SEPTIN1: variants seen among roughly 807,000 people sequenced by gnomAD.
SEPTIN1 encodes the protein septin-1.
A neutral mutation model predicts 50.7 loss-of-function variants in SEPTIN1; 52 were observed. The ratio of observed to expected loss-of-function variants is 1.03; its 90% CI spans 0.82 to 1.29. SEPTIN1 has a LOEUF of 1.29. Ranked by LOEUF, SEPTIN1 falls within the 50% of genes most tolerant of loss-of-function variation. The probability of loss-of-function intolerance (pLI) is 0.00; values close to 1 mark genes in which losing one functional copy is unlikely to be tolerated. For missense variants in SEPTIN1, 455 were observed against 490.7 expected (o/e 0.93, Z 0.69); for synonymous variants, 204 against 189.1 (o/e 1.08, Z -0.65).
Position 30,382,458 on chromosome 16 carries a change from G to T in SEPTIN1, c.18+67C>A. ...TTCCTGGGCTAGGAAGAGTCAGTGGGGTCTGGGGACCCCAGGCATGGGGGC... is the reference window on the plus strand; with the variant it reads ...TTCCTGGGCTAGGAAGAGTCAGTGGTGTCTGGGGACCCCAGGCATGGGGGC... On this transcript the variant is annotated intron_variant, in intron 1 of 10. Coordinates refer to ENST00000321367, the MANE Select transcript of SEPTIN1 (RefSeq NM_001365977.2). This position sits in a 1 kb window ranked among gnomAD's most constrained non-coding sequence, Gnocchi z 4.8. 6.3e-6 allele frequency: 10 copies of T among 1,577,244 alleles called. No individual in the cohort carries two copies. Among genetic ancestry groups the T allele is most frequent in the Non-Finnish European group, 8.7e-6 (10 of 1,152,618 alleles).
At position 30,379,928 on chromosome 16, in the gene SEPTIN1, A is replaced by T. The variant is rs747345146; in HGVS notation, c.675+4T>A. ...GGCCTGCCTTCCTTCTTTGTTTCCC[A>T]CACCTTCATCTCTGCATCCTGCCTC... On this transcript the variant is annotated splice_donor_region_variant and intron_variant, in intron 7 of 10. Transcript: ENST00000321367. 6.7e-7 allele frequency: 1 copy of T among 1,484,660 alleles called. No homozygotes were observed. The highest frequency in any genetic ancestry group is 1.1e-5 in the South Asian group (1 of 87,818). 92.0% of individuals were successfully genotyped at this position (1,484,660 alleles called of 1,614,324 possible). A position where few individuals can be genotyped will look rare whatever the true frequency, so the allele number is the denominator to read the frequency against.
chr16:30,379,209 C>A (rs2049803021), intron 8 of SEPTIN1, 26 bp from the exon 9 acceptor site: 1 of 1,612,642 alleles, frequency 6.2e-7, no homozygotes, highest in Non-Finnish European at 8.5e-7. Context: ...CGCGGACCAG[C>A]GAACGTCAGG....
In SEPTIN1 at chr16:30,381,961, C is replaced by A. The variant is rs954825196; in HGVS notation, c.197-78G>T. ...ATTTCCTTTGTCAATATCACAGTTGCCTGCACCCATTTCCCAGGGGAGGAA... is the reference window on the plus strand; with the variant it reads ...ATTTCCTTTGTCAATATCACAGTTGACTGCACCCATTTCCCAGGGGAGGAA... On this transcript the variant is annotated intron_variant, in intron 3 of 10. Coordinates refer to ENST00000321367, the MANE Select transcript of SEPTIN1 (RefSeq NM_001365977.2). This position sits in a 1 kb window ranked among gnomAD's most constrained non-coding sequence, Gnocchi z 4.3. 2 of 1,605,790 alleles carry A rather than the reference C, an allele frequency of 1.2e-6. No homozygotes were observed. Among genetic ancestry groups the A allele is most frequent in the African/African-American group, 2.7e-5 (2 of 74,644 alleles).
chr16:30,380,785 A>T, intron 6 of SEPTIN1: 2 of 300,824 alleles, frequency 6.6e-6, no homozygotes, highest in Non-Finnish European at 1.3e-5. Context: ...AAAAAGAGAG[A>T]GAAAGAGAGG....
At chr16:30,380,138 G>A in intron 6 of SEPTIN1, 105 bp from the exon 7 acceptor site, 2 of 884,142 alleles carry the variant, frequency 2.3e-6, no homozygotes, top group East Asian at 6.0e-5. Context: ...CAGAGACAGA[G>A]AGAAAGACAT....
Position 30,379,197 on chromosome 16 carries a change from G to A in SEPTIN1, c.776-14C>T. ...GTGGGTTCTCCACTGGAGGGGGGGC[G>A]GCGCGGACCAGCGAACGTCAGGGAG... On this transcript the variant is annotated splice_polypyrimidine_tract_variant and intron_variant, in intron 8 of 10. Coordinates refer to ENST00000321367, the MANE Select transcript of SEPTIN1 (RefSeq NM_001365977.2). The A allele has an allele frequency of 6.2e-7, 1 of 1,613,492 alleles. No individual in the cohort carries two copies. The highest frequency in any genetic ancestry group is 8.5e-7 in the Non-Finnish European group (1 of 1,179,530).
chr16:30,379,567 C>T (rs1449661238), intron 7 of SEPTIN1, 33 bp from the exon 8 acceptor site: 1 of 1,529,540 alleles, frequency 6.5e-7, no homozygotes, highest in Non-Finnish European at 9.0e-7. Context: ...TCACCATTGG[C>T]TCACACGGCA....
In SEPTIN1 at chr16:30,382,338, G is replaced by C. The variant is rs2049861665; in HGVS notation, c.46C>G (p.Leu16Val). The change falls in exon 2 of 11, where the codon CTC becomes GTC. Residue 16 changes from leucine to valine, a missense_variant. By Grantham distance (32) the Leu-to-Val change is conservative. Transcript: ENST00000321367. This position sits in a 1 kb window ranked among gnomAD's most constrained non-coding sequence, Gnocchi z 4.8. Reference protein sequence around the residue: ...MDKEYVGFAALPNQLHRKSVK... With the variant: ...MDKEYVGFAAVPNQLHRKSVK... The stretch of plus-strand genomic sequence containing the variant: ...GACTTGCGGTGCAGCTGGTTGGGGA[G>C]GGCAGCAAAACCCACGTACTCCTTG... The C allele has an allele frequency of 6.2e-7, 1 of 1,613,620 alleles. No homozygotes were observed. Among genetic ancestry groups the C allele is most frequent in the Non-Finnish European group, 8.5e-7 (1 of 1,179,698 alleles).
rs949879519 is a variant in SEPTIN1 at position 30,378,367 on chromosome 16, G to A, written c.*67C>T. 1.4e-6 allele frequency: 2 copies of A among 1,418,676 alleles called. No homozygotes were observed. The highest frequency in any genetic ancestry group is 2.9e-5 in the African/African-American group (2 of 68,976). 87.9% of individuals were successfully genotyped at this position (1,418,676 alleles called of 1,614,324 possible). A position where few individuals can be genotyped will look rare whatever the true frequency, so the allele number is the denominator to read the frequency against. ...GTCCCGGGGGGCGCTGGGCAGTGTGGGGCGCGGGGATTGGACAAGAGGCCG... is the reference window on the plus strand; with the variant it reads ...GTCCCGGGGGGCGCTGGGCAGTGTGAGGCGCGGGGATTGGACAAGAGGCCG... On this transcript the variant is annotated 3_prime_UTR_variant, in exon 11 of 11. Coordinates refer to ENST00000321367, the MANE Select transcript of SEPTIN1 (RefSeq NM_001365977.2).
chr16:30,378,305 C>A lies in SEPTIN1; in HGVS notation c.*129G>T. On this transcript the variant is annotated 3_prime_UTR_variant, in exon 11 of 11. Coordinates refer to ENST00000321367, the MANE Select transcript of SEPTIN1 (RefSeq NM_001365977.2). ...GGGCTACGGACTCAGGCTGGGAGAA[C>A]CTCCCCCTAGCCCGCGCGAGGGCGG... 1 of 914,934 alleles carries A rather than the reference C, an allele frequency of 1.1e-6. No individual in the cohort carries two copies. 56.7% of individuals were successfully genotyped at this position (914,934 alleles called of 1,614,324 possible). A position where few individuals can be genotyped will look rare whatever the true frequency, so the allele number is the denominator to read the frequency against.
upstream of SEPTIN1, chr16:30,382,808 G>T: frequency 6.5e-7 from 1 of 1,534,510 alleles, no homozygotes. The surrounding 1 kb of genome is among the most constrained non-coding windows in gnomAD (Gnocchi z 4.8). Flanking sequence ...GAGACATGGG[G>T]TATGTGCAGA....
chr16:30,381,844 A>G lies in SEPTIN1; in HGVS notation c.236T>C (p.Val79Ala), dbSNP rs148720173. 110 of 1,613,762 alleles carry G rather than the reference A, an allele frequency of 6.8e-5. 2 individuals carry two copies. The African/African-American group carries it at 1.1e-3, about 16-fold the overall frequency. ...TQTLAIERRG[V>A]EIEEGGVKVK... is the part of the protein sequence containing the mutation. Reference sequence around the variant, plus strand: ...TTTCACACCCCCTTCCTCAATCTCTACGCCCCGGCGCTCAATGGCCAGGGT... The same window carrying G: ...TTTCACACCCCCTTCCTCAATCTCTGCGCCCCGGCGCTCAATGGCCAGGGT... Residue 79 changes from valine (V) to alanine (A), a missense_variant, in exon 4 of 11, where the codon GTA becomes GCA. Coordinates refer to ENST00000321367, the MANE Select transcript of SEPTIN1 (RefSeq NM_001365977.2). This position sits in a 1 kb window ranked among gnomAD's most constrained non-coding sequence, Gnocchi z 4.3.
chr16:30,379,613 C>T (rs901361631), intron 7 of SEPTIN1, 79 bp from the exon 8 acceptor site: 2 of 922,780 alleles, frequency 2.2e-6, no homozygotes, highest in Non-Finnish European at 3.5e-6. Context: ...TCTCCACACC[C>T]GCCTCCTCTG....
Position 30,381,710 on chromosome 16 carries a change from G to A in SEPTIN1, c.320+50C>T, listed in dbSNP as rs1187213365. On this transcript the variant is annotated intron_variant, in intron 4 of 10. Transcript: ENST00000321367. The surrounding 1 kb of genome is among the most constrained non-coding windows in gnomAD (Gnocchi z 4.3). ...CAAACCAGTCCTGTAACTCTCCAGG[G>A]AGTCGCCACTGTGAAAGGCTGAGCC... is the stretch of plus-strand genomic sequence containing the variant. 2.5e-6 allele frequency: 4 copies of A among 1,606,568 alleles called. No individual in the cohort carries two copies. The South Asian group carries it at 4.4e-5, about 18-fold the overall frequency.
Position 30,379,100 on chromosome 16 carries a change from G to C in SEPTIN1, c.859C>G (p.His287Asp), listed in dbSNP as rs530216744. The change falls in exon 9 of 11, where the codon CAC (histidine) becomes GAC (aspartate). Residue 287 changes from histidine to aspartate, a missense_variant. Coordinates refer to ENST00000321367, the MANE Select transcript of SEPTIN1 (RefSeq NM_001365977.2). ...THLQDLKEVTHDLLYEGYRAR... is the reference protein window; with the variant it reads ...THLQDLKEVTDDLLYEGYRAR... ...CGGTAGCCCTCGTAGAGCAGATCGT[G>C]CGTCACCTCTTTCAGGTCCTGCAGG... 107 of 1,614,098 alleles carry C rather than the reference G, an allele frequency of 6.6e-5. 1 individual carries two copies. In the South Asian group the frequency reaches 1.1e-3, roughly 16 times the overall value.
At chr16:30,379,831 T>A in intron 7 of SEPTIN1, 101 bp downstream of exon 7, 1 of 715,076 alleles carries the variant, frequency 1.4e-6, no homozygotes, top group Non-Finnish European at 2.4e-6. Flanking sequence ...GGTCTGGAAC[T>A]CCTGACCTCA....
At chr16:30,378,880 G>A (rs1352910351) in intron 9 of SEPTIN1, 138 bp downstream of exon 9, 1 of 787,148 alleles carries the variant, frequency 1.3e-6, no homozygotes, top group Non-Finnish European at 2.0e-6. Context: ...CGGAGAGAGG[G>A]AGGGAGGGAG....
rs749891885 is a variant in SEPTIN1, at chr16:30,381,163, A to C, written c.537T>G (p.Ala179=). 6.2e-7 allele frequency: 1 copy of C among 1,614,056 alleles called. No homozygotes were observed. The highest frequency in any genetic ancestry group is 1.7e-5 in the Admixed American group (1 of 60,012). The stretch of plus-strand genomic sequence containing the variant: ...GGGCCTGGGTTTCCTGGGGCATCAG[A>C]GCATCCGCTTTGCCAATGACTGGGA... The part of the protein sequence containing the change: ...NIIPVIGKAD[A]LMPQETQALK... Residue 179 remains alanine, a synonymous_variant, in exon 6 of 11, where the codon GCT becomes GCG. Coordinates refer to ENST00000321367, the MANE Select transcript of SEPTIN1 (RefSeq NM_001365977.2). This position sits in a 1 kb window ranked among gnomAD's most constrained non-coding sequence, Gnocchi z 4.3.
In SEPTIN1 at chr16:30,382,042, T is replaced by TG. The variant is rs766199142; in HGVS notation, c.196+50dup. 1.6e-5 allele frequency: 25 copies of TG among 1,589,982 alleles called. No homozygotes were observed. Among genetic ancestry groups the TG allele is most frequent in the Non-Finnish European group, 2.1e-5 (24 of 1,165,896 alleles). The stretch of plus-strand genomic sequence containing the variant: ...AGTCCCCAGATGGAAAAGACTAGGG[T>TG]GTAACCTGGGGACAGGGGCTACTGC... On this transcript the variant is annotated intron_variant, in intron 3 of 10. Coordinates refer to ENST00000321367, the MANE Select transcript of SEPTIN1 (RefSeq NM_001365977.2). This position sits in a 1 kb window ranked among gnomAD's most constrained non-coding sequence, Gnocchi z 4.8.
Sources: allele counts gnomAD v4.1 joint callset, GRCh38; gene constraint gnomAD v4.1.1; non-coding constraint Gnocchi (gnomAD v3.1); transcripts MANE v1.5; gene names NCBI Gene and HGNC (gene_info 2026-07-23, HGNC 2026-07-21).